NCALD: variants seen among roughly 807,000 people sequenced by gnomAD.
The protein encoded by NCALD is neurocalcin delta.
A neutral mutation model predicts 18.6 loss-of-function variants in NCALD; 10 were observed. That is an observed-to-expected ratio of 0.54 (90% CI 0.33 to 0.91). The LOEUF is 0.91. NCALD is among the 40% of genes least tolerant of loss of function. The pLI is 0.03. For synonymous variants in NCALD, 88 were observed against 87.4 expected (o/e 1.01, Z -0.04); for missense variants, 184 against 247.6 (o/e 0.74, Z 1.72).
At chr8:102,087,049 C>A (rs2132356131) in intron 1 of NCALD, among the ~76,000 whole-genome samples, 1 of 152,294 alleles carries the variant, frequency 6.6e-6, no homozygotes, top group South Asian at 2.1e-4. Flanking sequence ...CAAGAAATAA[C>A]CATAAAAATG....
At chr8:101,944,567 C>A (rs771885511) in intron 2 of NCALD, among the ~76,000 whole-genome samples, 10 of 152,180 alleles carry the variant, frequency 6.6e-5, no homozygotes, top group Non-Finnish European at 1.2e-4. Flanking sequence ...CCTTCCAGTG[C>A]CCCAGAAGGC....
In NCALD at chr8:101,827,057, C is replaced by CA. The variant is rs555603690; in HGVS notation, c.-20+60083dup. ...TCTCACAGTTCTGGAGGCTAAAAGACAAAAAATCAGTACTGCTGGGTCAAA... is the reference window on the plus strand; with the variant it reads ...TCTCACAGTTCTGGAGGCTAAAAGACAAAAAAATCAGTACTGCTGGGTCAAA... On this transcript the variant is annotated intron_variant, in intron 4 of 6. Coordinates refer to the NCALD transcript ENST00000311028. Among the ~76,000 whole-genome samples the CA allele has an allele frequency of 1.7e-3, 261 of 152,234 alleles. 2 individuals carry two copies. The highest frequency in any genetic ancestry group is 6.1e-3 in the African/African-American group (253 of 41,540).
intron 1 of NCALD, chr8:102,020,480 G>A (rs1020553270): frequency 2.0e-5 from 3 of 152,098 alleles, no homozygotes; most frequent in Non-Finnish European, 4.4e-5. Flanking sequence ...GGTTCTGATT[G>A]TTTCTAAAAT....
intron 1 of NCALD, among the ~76,000 whole-genome samples, chr8:102,107,969 T>C (rs1168707267): frequency 6.6e-6 from 1 of 151,998 alleles, no homozygotes; most frequent in Non-Finnish European, 1.5e-5. Context: ...GAGGGAAATC[T>C]CAAAGGGCAA....
chr8:102,091,886 A>G (rs1824935408), intron 1 of NCALD, among the ~76,000 whole-genome samples: 1 of 152,024 alleles, frequency 6.6e-6, no homozygotes, highest in African/African-American at 2.4e-5. Context: ...ACAGAAGATG[A>G]CTCTTTGTCC....
At chr8:101,967,810 G>C (rs1289745758) in intron 2 of NCALD, among the ~76,000 whole-genome samples, 1 of 151,728 alleles carries the variant, frequency 6.6e-6, no homozygotes, top group African/African-American at 2.4e-5. Flanking sequence ...CCCAGCATCA[G>C]AGCAGCTTGT....
At chr8:102,079,033 G>A (rs1824439617) in intron 1 of NCALD, among the ~76,000 whole-genome samples, 1 of 152,194 alleles carries the variant, frequency 6.6e-6, no homozygotes, top group Admixed American at 6.5e-5. Flanking sequence ...GAAGAAGCTG[G>A]CTGAGAAGAT....
chr8:101,794,855 T>C (rs1358299514), upstream of NCALD, among the ~76,000 whole-genome samples: 9 of 152,220 alleles, frequency 5.9e-5, no homozygotes, highest in Non-Finnish European at 8.8e-5. Flanking sequence ...TTAGAAAAAA[T>C]TGAATTATTT....
chr8:101,902,282 TTTTTTTTTTA>T (rs937105573), intron 3 of NCALD, among the ~76,000 whole-genome samples: 7 of 120,154 alleles, frequency 5.8e-5, no homozygotes, highest in African/African-American at 2.5e-4. Context: ...GTTTTTTTTT[TTTTTTTTTTA>T]ACTTCATTTT....
At chr8:102,077,233 T>C (rs770160206) in intron 1 of NCALD, among the ~76,000 whole-genome samples, 24 of 152,140 alleles carry the variant, frequency 1.6e-4, no homozygotes, top group Non-Finnish European at 2.9e-4. Context: ...TCATACCAGA[T>C]TGAAAGGATC....
intron 2 of NCALD, among the ~76,000 whole-genome samples, chr8:101,715,156 G>C (rs1816016095): frequency 1.3e-5 from 2 of 152,012 alleles, no homozygotes; most frequent in Non-Finnish European, 2.9e-5. Flanking sequence ...ACAGAACAGA[G>C]GCCTCAAAAA....
chr8:101,747,269 G>T (rs1295223740), intron 1 of NCALD, among the ~76,000 whole-genome samples: 1 of 152,178 alleles, frequency 6.6e-6, no homozygotes, highest in Non-Finnish European at 1.5e-5. Context: ...TTTTTGCCAA[G>T]AATTGGTTAG....
rs138755715 is a variant in NCALD at position 102,099,227 on chromosome 8, T to C, written c.-210+25010A>G. Among the ~76,000 whole-genome samples, 527 of 152,252 alleles carry C rather than the reference T, an allele frequency of 3.5e-3. 1 individual carries two copies. Among genetic ancestry groups the C allele is most frequent in the Non-Finnish European group, 3.0e-3 (203 of 68,000 alleles). On this transcript the variant is annotated intron_variant, in intron 1 of 6. Transcript: ENST00000311028. Reference sequence around the variant, plus strand: ...CTCCTGCAAACAAAACAGTCCTGAGTAGTAAAAATGGCCTCCTTTACTAAT... The same window carrying C: ...CTCCTGCAAACAAAACAGTCCTGAGCAGTAAAAATGGCCTCCTTTACTAAT...
intron 4 of NCALD, among the ~76,000 whole-genome samples, chr8:101,801,644 T>TTTTTC (rs1491544833): frequency 3.7e-4 from 6 of 16,310 alleles, no homozygotes; most frequent in African/African-American, 7.1e-4. Flanking sequence ...GCACACTTAC[T>TTTTTC]TTTTTTTTTT....
intron 3 of NCALD, among the ~76,000 whole-genome samples, chr8:101,908,362 C>T (rs557449495): frequency 2.2e-4 from 33 of 152,088 alleles, no homozygotes; most frequent in Middle Eastern, 3.4e-3. Flanking sequence ...GTTTTTTTCT[C>T]GTCAAGCAGC....
At chr8:101,912,150 C>T (rs1219054841) in intron 3 of NCALD, among the ~76,000 whole-genome samples, 2 of 151,342 alleles carry the variant, frequency 1.3e-5, no homozygotes, top group Admixed American at 6.6e-5. Flanking sequence ...ATATTGAATA[C>T]ATTTAAAATA....
chr8:101,849,393 G>T (rs774916289), intron 4 of NCALD, among the ~76,000 whole-genome samples: 2 of 152,112 alleles, frequency 1.3e-5, no homozygotes, highest in Non-Finnish European at 2.9e-5. Context: ...TTTGGTATCT[G>T]ATTTAAAAAG....
At chr8:101,966,247 TA>T (rs1368819530) in intron 2 of NCALD, among the ~76,000 whole-genome samples, 2 of 152,022 alleles carry the variant, frequency 1.3e-5, no homozygotes, top group Non-Finnish European at 2.9e-5. Flanking sequence ...AAGCTTTTTT[TA>T]AAGGTTAAAA....
chr8:101,781,747 A>C (rs921625745), intron 1 of NCALD, among the ~76,000 whole-genome samples: 1 of 152,208 alleles, frequency 6.6e-6, no homozygotes, highest in Non-Finnish European at 1.5e-5. Flanking sequence ...CACTAGAATG[A>C]TTAACAGATG....
Sources: gnomAD v4.1 joint callset for allele counts (sites outside exome capture counted in the v4.1 genomes callset) on GRCh38, gnomAD v4.1.1 for gene constraint, MANE v1.5 for transcripts, NCBI Gene and HGNC (gene_info 2026-07-23, HGNC 2026-07-21) for gene names.